Variants in UBE2E1 observed in about 807,000 individuals in gnomAD.
UBE2E1 encodes ubiquitin conjugating enzyme E2 E1.
UBE2E1 carries 6 observed loss-of-function variants against 21.4 expected under a neutral mutation model. That is an observed-to-expected ratio of 0.28 (90% CI 0.15 to 0.55). The LOEUF (loss-of-function observed/expected upper bound fraction) is 0.55. Among genes scored for constraint, UBE2E1 ranks in the 20% least tolerant of loss-of-function variants. UBE2E1 has a pLI of 0.93. For synonymous variants in UBE2E1, 87 were observed against 82.7 expected, an observed-to-expected ratio of 1.05 and a Z score of -0.28; for missense variants, 142 against 236.5, an observed-to-expected ratio of 0.60 and a Z score of 2.62.
rs950181980 is a variant in UBE2E1 at position 23,823,774 on chromosome 3, G to A, written c.203+12264G>A. On this transcript the variant is annotated intron_variant, in intron 3 of 5. Coordinates refer to ENST00000306627, the MANE Select transcript of UBE2E1 (RefSeq NM_003341.5). This position sits in a 1 kb window ranked among gnomAD's most constrained non-coding sequence, Gnocchi z 4.2. The stretch of plus-strand genomic sequence containing the variant: ...AACCAACGTATGTTAAGTGATTATA[G>A]TAATGTGTGTGCAGAGACTGGCAGT... 6.6e-6 allele frequency among the ~76,000 whole-genome samples: 1 copy of A among 152,200 alleles called. No homozygotes were observed. Among genetic ancestry groups the A allele is most frequent in the African/African-American group, 2.4e-5 (1 of 41,452 alleles).
Position 23,876,188 on chromosome 3 carries a change from AC to A in UBE2E1, c.204-11377del, listed in dbSNP as rs1001020845. Among the ~76,000 whole-genome samples, 3 of 152,306 alleles carry A rather than the reference AC, an allele frequency of 2.0e-5. No individual in the cohort carries two copies. The highest frequency in any genetic ancestry group is 1.3e-4 in the Admixed American group (2 of 15,300). On this transcript the variant is annotated intron_variant, in intron 3 of 5. Coordinates refer to ENST00000306627, the MANE Select transcript of UBE2E1 (RefSeq NM_003341.5). The surrounding 1 kb of genome is among the most constrained non-coding windows in gnomAD (Gnocchi z 4.3). Reference sequence around the variant, plus strand: ...ACCTGAATGGTACATTCCTCACAGTACCAGAGCCTCTTCCTTTCCTCTTCCC... The same window carrying A: ...ACCTGAATGGTACATTCCTCACAGTACAGAGCCTCTTCCTTTCCTCTTCCC...
intron 3 of UBE2E1, among the ~76,000 whole-genome samples, chr3:23,822,665 AT>A (rs1368859029): frequency 5.9e-5 from 9 of 152,216 alleles, no homozygotes; most frequent in African/African-American, 2.2e-4. Flanking sequence ...AAATCAGTAA[AT>A]TGCTGCTGCC....
intron 2 of UBE2E1, among the ~76,000 whole-genome samples, chr3:23,809,846 G>A (rs1172860915): frequency 2.6e-5 from 4 of 152,320 alleles, no homozygotes; most frequent in Admixed American, 2.6e-4. Flanking sequence ...TGAGTCTAAT[G>A]TACAGTCATG....
At chr3:23,839,046 G>A (rs1230093215) in intron 3 of UBE2E1, among the ~76,000 whole-genome samples, 2 of 151,574 alleles carry the variant, frequency 1.3e-5, no homozygotes, top group Non-Finnish European at 2.9e-5. Flanking sequence ...CACCCACAGC[G>A]ACCCCTCAAC....
In UBE2E1 at chr3:23,808,307, C is replaced by T. The variant is rs574689557; in HGVS notation, c.152+886C>T. 3.3e-5 allele frequency among the ~76,000 whole-genome samples: 5 copies of T among 152,224 alleles called. No homozygotes were observed. The South Asian group carries it at 1.0e-3, about 32-fold the overall frequency. ...CCATCCTTCAGTAATATCCTCTGAT[C>T]GCCATGACCCTCAAAATCATCTTTA... On this transcript the variant is annotated intron_variant, in intron 2 of 5. Coordinates refer to ENST00000306627, the MANE Select transcript of UBE2E1 (RefSeq NM_003341.5). This position sits in a 1 kb window ranked among gnomAD's most constrained non-coding sequence, Gnocchi z 4.9.
At chr3:23,874,127 C>T (rs1700864745) in intron 3 of UBE2E1, among the ~76,000 whole-genome samples, 1 of 152,214 alleles carries the variant, frequency 6.6e-6, no homozygotes, top group African/African-American at 2.4e-5. Context: ...AGTGTGGAAG[C>T]TGCATAAGGA....
chr3:23,842,468 G>GT lies in UBE2E1; in HGVS notation c.203+30963dup, dbSNP rs1700117710. 6.6e-6 allele frequency among the ~76,000 whole-genome samples: 1 copy of GT among 151,944 alleles called. No individual in the cohort carries two copies. Among genetic ancestry groups the GT allele is most frequent in the South Asian group, 2.1e-4 (1 of 4,810 alleles). On this transcript the variant is annotated intron_variant, in intron 3 of 5. Transcript: ENST00000306627. The surrounding 1 kb of genome is among the most constrained non-coding windows in gnomAD (Gnocchi z 4.6). ...TGCCATGTTGCCCGGCCTGTTGTTC[G>GT]TTTTTCTTTGAAGAATATACCTTTT...
intron 3 of UBE2E1, among the ~76,000 whole-genome samples, chr3:23,864,626 G>A (rs1700616226): frequency 6.6e-6 from 1 of 152,154 alleles, no homozygotes; most frequent in Non-Finnish European, 1.5e-5. Flanking sequence ...TAAGTGCAAT[G>A]TATTCTGTCT....
intron 3 of UBE2E1, among the ~76,000 whole-genome samples, chr3:23,831,464 C>T (rs1335020660): frequency 2.0e-5 from 3 of 151,422 alleles, no homozygotes; most frequent in African/African-American, 7.3e-5. Context: ...TGAAAGGGTC[C>T]AGATGACACT....
At chr3:23,814,048 G>A (rs992669413) in intron 3 of UBE2E1, among the ~76,000 whole-genome samples, 1 of 152,060 alleles carries the variant, frequency 6.6e-6, no homozygotes, top group Non-Finnish European at 1.5e-5. Flanking sequence ...TTTTAAACAC[G>A]TTATTAAAAT....
chr3:23,834,716 G>A (rs1246597769), intron 3 of UBE2E1, among the ~76,000 whole-genome samples: 5 of 152,016 alleles, frequency 3.3e-5, no homozygotes, highest in Non-Finnish European at 7.4e-5. Flanking sequence ...ATGACAGAGC[G>A]AGACCCCGTC....
intron 4 of UBE2E1, chr3:23,888,403 T>C (rs1405047531): frequency 2.8e-6 from 1 of 354,302 alleles, no homozygotes; most frequent in African/African-American, 2.2e-5. Flanking sequence ...AAAGTCACTT[T>C]TTTAAAAAAT....
intron 3 of UBE2E1, among the ~76,000 whole-genome samples, chr3:23,837,465 A>G (rs1559481190): frequency 6.6e-6 from 1 of 152,206 alleles, no homozygotes; most frequent in Non-Finnish European, 1.5e-5. Context: ...ACTGTAAGCT[A>G]TTTAGTGATA....
intron 3 of UBE2E1, among the ~76,000 whole-genome samples, chr3:23,822,571 C>T (rs1465298371): frequency 1.3e-5 from 2 of 152,078 alleles, no homozygotes; most frequent in Non-Finnish European, 1.5e-5. Context: ...ATGCATGTTA[C>T]AAGTAAATAG....
Position 23,885,502 on chromosome 3 carries a change from T to C in UBE2E1, c.204-2065T>C, listed in dbSNP as rs552933152. ...ACCTTGTGAAAATTGCCATCAGATATCGTGTAAAACTATGAAGTCATCTTT... is the reference window on the plus strand; with the variant it reads ...ACCTTGTGAAAATTGCCATCAGATACCGTGTAAAACTATGAAGTCATCTTT... On this transcript the variant is annotated intron_variant, in intron 3 of 5. Coordinates refer to ENST00000306627, the MANE Select transcript of UBE2E1 (RefSeq NM_003341.5). Among the ~76,000 whole-genome samples the C allele has an allele frequency of 1.1e-4, 17 of 152,286 alleles. 1 individual carries two copies. In the South Asian group the frequency reaches 2.1e-3, roughly 19 times the overall value.
At chr3:23,821,377 G>A (rs778844916) in intron 3 of UBE2E1, among the ~76,000 whole-genome samples, 40 of 152,220 alleles carry the variant, frequency 2.6e-4, no homozygotes, top group Non-Finnish European at 1.3e-4. Context: ...GTAAAAACAG[G>A]CCCTGAGGCG....
rs1309408040 is a variant in UBE2E1, at chr3:23,806,452, G to A, written c.-34+364G>A. Among the ~76,000 whole-genome samples the A allele has an allele frequency of 1.3e-5, 2 of 151,812 alleles. No individual in the cohort carries two copies. The highest frequency in any genetic ancestry group is 2.9e-5 in the Non-Finnish European group (2 of 67,864). On this transcript the variant is annotated intron_variant, in intron 1 of 5. Coordinates refer to ENST00000306627, the MANE Select transcript of UBE2E1 (RefSeq NM_003341.5). This position sits in a 1 kb window ranked among gnomAD's most constrained non-coding sequence, Gnocchi z 6.5. ...TTTCCCCAGGGGCGGGGGTTCGCGG[G>A]GATTAACCCCTCCGGGGCGGAAGGG...
At chr3:23,844,086 G>C (rs561822121) in intron 3 of UBE2E1, among the ~76,000 whole-genome samples, 2 of 152,264 alleles carry the variant, frequency 1.3e-5, no homozygotes, top group South Asian at 2.1e-4. Context: ...ATTTGTGGGA[G>C]AGCCATGTGG....
intron 3 of UBE2E1, among the ~76,000 whole-genome samples, chr3:23,839,037 A>T (rs1328761509): frequency 6.6e-6 from 1 of 151,330 alleles, no homozygotes; most frequent in Non-Finnish European, 1.5e-5. Context: ...ATACCCCTTC[A>T]CCCACAGCGA....
Sources: gnomAD v4.1 joint callset for allele counts (sites outside exome capture counted in the v4.1 genomes callset) on GRCh38, gnomAD v4.1.1 for gene constraint, Gnocchi (gnomAD v3.1) non-coding constraint, MANE v1.5 for transcripts, NCBI Gene and HGNC (gene_info 2026-07-23, HGNC 2026-07-21) for gene names.